The following FAM167A variants were observed in gnomAD, a reference collection of about 807,000 sequenced individuals.
FAM167A encodes family with sequence similarity 167 member A.
Under a neutral mutation model 14.9 loss-of-function variants are expected in FAM167A, and 23 were observed. The ratio of observed to expected loss-of-function variants is 1.55; its 90% CI spans 1.11 to 2.19. The LOEUF is 2.19. FAM167A is among the 30% of genes most tolerant of loss of function. The probability of loss-of-function intolerance (pLI) is 0.00; values close to 1 mark genes in which losing one functional copy is unlikely to be tolerated. For missense variants in FAM167A, 401 were observed against 281.5 expected, an observed-to-expected ratio of 1.42 and a Z score of -3.04; for synonymous variants, 174 against 117.7, an observed-to-expected ratio of 1.48 and a Z score of -3.10.
At chr8:11,464,795 G>C (rs1807687633) in intron 1 of FAM167A, among the ~76,000 whole-genome samples, 1 of 152,228 alleles carries the variant, frequency 6.6e-6, no homozygotes, top group Admixed American at 6.5e-5. Context: ...GAACACAGCA[G>C]CCAGGGTGTG....
chr8:11,434,233 T>G (rs1038585008), intron 2 of FAM167A: 1 of 152,210 alleles, frequency 6.6e-6, no homozygotes. Context: ...GAGCTGAAGC[T>G]GACTCTCCTG....
chr8:11,455,694 G>T (rs1207897933), intron 1 of FAM167A, among the ~76,000 whole-genome samples: 1 of 143,094 alleles, frequency 7.0e-6, no homozygotes, highest in East Asian at 2.3e-4. Flanking sequence ...GGGTGTGGGG[G>T]ATGGTTGCTC....
intron 1 of FAM167A, among the ~76,000 whole-genome samples, chr8:11,461,573 G>A (rs978192842): frequency 1.3e-5 from 2 of 152,236 alleles, no homozygotes; most frequent in African/African-American, 4.8e-5. Flanking sequence ...TTCCCAGCTG[G>A]CTGAAACTCA....
chr8:11,434,475 C>T (rs1163258957), intron 2 of FAM167A, among the ~76,000 whole-genome samples: 1 of 152,114 alleles, frequency 6.6e-6, no homozygotes, highest in African/African-American at 2.4e-5. Context: ...CTCCTGTGCC[C>T]CCTGGGGAAT....
intron 2 of FAM167A, chr8:11,438,268 C>A: frequency 2.5e-6 from 1 of 403,030 alleles, no homozygotes; most frequent in South Asian, 1.8e-5. Context: ...GCAAGACAGC[C>A]AGGAAAGGGA....
At chr8:11,460,775 C>G (rs7000824) in intron 1 of FAM167A, among the ~76,000 whole-genome samples, 77,791 of 151,922 alleles carry the variant, frequency 0.51, 21,432 homozygotes, top group African/African-American at 0.72. Flanking sequence ...CCATGAGTGG[C>G]GCTGGCTGCG....
Position 11,421,511 on chromosome 8 carries a change from T to G in FAM167A, c.*2862A>C, listed in dbSNP as rs1194587396. Reference sequence around the variant, plus strand: ...ATATGGATATCTTCTTTTGAAGTATTTTTATTTCACTTTTTCTAACAGCAA... The same window carrying G: ...ATATGGATATCTTCTTTTGAAGTATGTTTATTTCACTTTTTCTAACAGCAA... On this transcript the variant is annotated 3_prime_UTR_variant, in exon 3 of 3. Transcript: ENST00000284486. The G allele has an allele frequency of 2.6e-6, 1 of 383,320 alleles. No homozygotes were observed. Among genetic ancestry groups the G allele is most frequent in the African/African-American group, 2.1e-5 (1 of 48,338 alleles). The allele number at this position is 383,320 out of a possible 1,614,324, so 23.7% of individuals were successfully genotyped here. A position where few individuals can be genotyped will look rare whatever the true frequency, so the allele number is the denominator to read the frequency against.
chr8:11,456,318 GGTGT>G (rs1807295391), intron 1 of FAM167A, among the ~76,000 whole-genome samples: 1 of 121,246 alleles, frequency 8.2e-6, no homozygotes, highest in African/African-American at 2.9e-5. Flanking sequence ...TGCCCTGCTG[GGTGT>G]GTATGGGTGT....
chr8:11,443,852 A>G lies in FAM167A; in HGVS notation c.381+179T>C, dbSNP rs559651928. On this transcript the variant is annotated intron_variant, in intron 2 of 2. Coordinates refer to ENST00000284486, the MANE Select transcript of FAM167A (RefSeq NM_053279.3). Reference sequence around the variant, plus strand: ...TGATGACACCTGGGTCCCCCCAGCCACATACAAATGACGCCTGCCTTCAAC... The same window carrying G: ...TGATGACACCTGGGTCCCCCCAGCCGCATACAAATGACGCCTGCCTTCAAC... Among the ~76,000 whole-genome samples the G allele has an allele frequency of 3.4e-4, 51 of 152,218 alleles. 1 individual carries two copies. The highest frequency in any genetic ancestry group is 1.2e-3 in the African/African-American group (49 of 41,524).
At chr8:11,455,215 G>C (rs889960870) in intron 1 of FAM167A, among the ~76,000 whole-genome samples, 1 of 150,780 alleles carries the variant, frequency 6.6e-6, no homozygotes, top group Non-Finnish European at 1.5e-5. Flanking sequence ...CTGTGTGTGT[G>C]TGTGACTGTG....
At chr8:11,455,822 GT>G (rs1807241247) in intron 1 of FAM167A, among the ~76,000 whole-genome samples, 3 of 143,650 alleles carry the variant, frequency 2.1e-5, no homozygotes, top group African/African-American at 5.2e-5. Context: ...TTGCCTTGCT[GT>G]GTATGAGTGT....
rs371533583 is a variant in FAM167A at position 11,434,542 on chromosome 8, G to A, written c.381+9489C>T. ...CCCAGAGCCAGGCATAGAGCAGGAG[G>A]CTCTTCGGGCCCTGCCGAGGACTCC... On this transcript the variant is annotated intron_variant, in intron 2 of 2. Coordinates refer to ENST00000284486, the MANE Select transcript of FAM167A (RefSeq NM_053279.3). 6.5e-4 allele frequency among the ~76,000 whole-genome samples: 99 copies of A among 152,298 alleles called. No homozygotes were observed. The South Asian group carries it at 0.015, about 23-fold the overall frequency.
upstream of FAM167A, among the ~76,000 whole-genome samples, chr8:11,472,446 T>TTG (rs1348017310): frequency 1.3e-5 from 2 of 148,764 alleles, no homozygotes; most frequent in Non-Finnish European, 3.0e-5. Context: ...GGTTTTTTTT[T>TTG]TTTTTTTTTT....
At chr8:11,458,460 C>T (rs1039944783) in intron 1 of FAM167A, among the ~76,000 whole-genome samples, 2 of 152,150 alleles carry the variant, frequency 1.3e-5, no homozygotes, top group African/African-American at 4.8e-5. Context: ...GGCATCACTC[C>T]TGTCTAATTT....
At chr8:11,436,700 G>C (rs1436167718) in intron 2 of FAM167A, among the ~76,000 whole-genome samples, 1 of 152,192 alleles carries the variant, frequency 6.6e-6, no homozygotes, top group Non-Finnish European at 1.5e-5. Context: ...ATGGAGTGCC[G>C]AAGTGCCCTG....
intron 2 of FAM167A, among the ~76,000 whole-genome samples, chr8:11,425,452 G>T (rs1220044895): frequency 6.6e-6 from 1 of 152,218 alleles, no homozygotes; most frequent in Non-Finnish European, 1.5e-5. Context: ...GAGCTGCAGT[G>T]TGGTGTATGG....
intron 2 of FAM167A, among the ~76,000 whole-genome samples, chr8:11,432,356 G>T (rs1805664341): frequency 6.6e-6 from 1 of 152,130 alleles, no homozygotes; most frequent in Non-Finnish European, 1.5e-5. Context: ...AATCTACAAA[G>T]AACTTAAACA....
intron 1 of FAM167A, among the ~76,000 whole-genome samples, chr8:11,458,596 G>A (rs1807419822): frequency 6.6e-6 from 1 of 152,058 alleles, no homozygotes; most frequent in African/African-American, 2.4e-5. Context: ...CTGGGCCTGG[G>A]GATGTGCAAT....
chr8:11,444,967 T>C (rs917706577), intron 1 of FAM167A, 159 bp from the exon 2 acceptor site: 1 of 697,924 alleles, frequency 1.4e-6, no homozygotes, highest in Non-Finnish European at 1.8e-6. Context: ...TTTTAATGCC[T>C]TAATTCAATG....
Sources: allele counts gnomAD v4.1 joint callset (sites outside exome capture counted in the v4.1 genomes callset), GRCh38; gene constraint gnomAD v4.1.1; transcripts MANE v1.5; gene names NCBI Gene and HGNC (gene_info 2026-07-23, HGNC 2026-07-21).